KAZN: variants seen among roughly 807,000 people sequenced by gnomAD.
KAZN encodes kazrin.
Under a neutral mutation model 87.4 loss-of-function variants are expected in KAZN, and 40 were observed. The ratio of observed to expected loss-of-function variants is 0.46; its 90% CI spans 0.36 to 0.60. The LOEUF is 0.60. KAZN is among the 20% of genes least tolerant of loss of function. The pLI is 0.00. For synonymous variants in KAZN, 466 were observed against 458.3 expected (o/e 1.02, Z -0.22); for missense variants, 898 against 1,073.9 (o/e 0.84, Z 2.29).
intron 1 of KAZN, among the ~76,000 whole-genome samples, chr1:14,149,148 C>G (rs1470323991): frequency 6.9e-6 from 1 of 145,318 alleles, no homozygotes; most frequent in Non-Finnish European, 1.5e-5. Context: ...GTTGCCCAGG[C>G]TGGAGTGCAG....
At position 14,414,855 on chromosome 1, in the gene KAZN, T is replaced by C. The variant is rs1327725516; in HGVS notation, c.250-184128T>C. ...GCCTAACCAATATGGTGAAACCCCGTCTCTACTAAAAAATACAAAAGTTAG... is the reference window on the plus strand; with the variant it reads ...GCCTAACCAATATGGTGAAACCCCGCCTCTACTAAAAAATACAAAAGTTAG... On this transcript the variant is annotated intron_variant, in intron 2 of 16. Transcript: ENST00000636203. 3.3e-5 allele frequency among the ~76,000 whole-genome samples: 5 copies of C among 152,130 alleles called. No individual in the cohort carries two copies. In the South Asian group the frequency reaches 1.0e-3, roughly 32 times the overall value.
Position 14,366,165 on chromosome 1 carries a change from G to C in KAZN, c.249+185573G>C, listed in dbSNP as rs192309227. On this transcript the variant is annotated intron_variant, in intron 2 of 16. Transcript: ENST00000636203. The stretch of plus-strand genomic sequence containing the variant: ...AAAGATCTAAACATAATCCTTTACA[G>C]TGGAAAGTTAGCAGAGAAGATATTC... Among the ~76,000 whole-genome samples the C allele has an allele frequency of 2.9e-3, 448 of 152,316 alleles. 3 individuals carry two copies. The highest frequency in any genetic ancestry group is 0.01 in the African/African-American group (428 of 41,566).
intron 14 of KAZN, 46 bp downstream of exon 14, chr1:15,112,587 A>AAGGTCTTTTTTTTCTTCTCCCAGCGGG: frequency 7.7e-7 from 1 of 1,293,608 alleles, no homozygotes. Context: ...AGACCCGGGA[A>AAGGTCTTTTTTTTCTTCTCCCAGCGGG]AGGTCTTTTT....
At chr1:14,054,928 C>T (rs769207400) in intron 1 of KAZN, among the ~76,000 whole-genome samples, 12 of 152,284 alleles carry the variant, frequency 7.9e-5, no homozygotes, top group South Asian at 2.1e-4. Context: ...GCAGATGTCT[C>T]GACCTCAGCT....
intron 1 of KAZN, among the ~76,000 whole-genome samples, chr1:13,977,497 T>C (rs146388512): frequency 3.3e-5 from 5 of 152,024 alleles, no homozygotes; most frequent in African/African-American, 1.2e-4. Flanking sequence ...TGTCAAAGAG[T>C]GGGGGAAATA....
chr1:14,005,858 G>A (rs895047281), intron 1 of KAZN, among the ~76,000 whole-genome samples: 3 of 152,158 alleles, frequency 2.0e-5, no homozygotes, highest in East Asian at 3.9e-4. Flanking sequence ...GGACTCACTG[G>A]CCTGTAGTGT....
At chr1:14,288,465 T>C (rs1653429638) in intron 2 of KAZN, among the ~76,000 whole-genome samples, 1 of 152,246 alleles carries the variant, frequency 6.6e-6, no homozygotes, top group Admixed American at 6.5e-5. Context: ...TTTATTTGCC[T>C]AGAGGTGTTT....
chr1:14,459,154 A>C (rs943348584), intron 2 of KAZN, among the ~76,000 whole-genome samples: 16 of 152,038 alleles, frequency 1.1e-4, no homozygotes, highest in African/African-American at 3.9e-4. Context: ...TCCTGTGCTC[A>C]CTAGGAGGGT....
chr1:14,074,488 G>GGA (rs1643369583), intron 1 of KAZN, among the ~76,000 whole-genome samples: 1 of 152,220 alleles, frequency 6.6e-6, no homozygotes, highest in Non-Finnish European at 1.5e-5. Context: ...CTGGGGAAAA[G>GGA]CCTGTCGCAG....
intron 1 of KAZN, among the ~76,000 whole-genome samples, chr1:14,134,991 A>C (rs1439943729): frequency 1.1e-5 from 1 of 87,548 alleles, no homozygotes; most frequent in Non-Finnish European, 2.1e-5. Flanking sequence ...ACACACACAC[A>C]CACACACACA....
chr1:14,555,092 G>A (rs565262294), intron 2 of KAZN, among the ~76,000 whole-genome samples: 1 of 152,202 alleles, frequency 6.6e-6, no homozygotes, highest in African/African-American at 2.4e-5. Context: ...CCTATCTGCT[G>A]TCATAATTGG....
intron 2 of KAZN, among the ~76,000 whole-genome samples, chr1:14,453,861 G>T (rs996683094): frequency 6.6e-6 from 1 of 152,038 alleles, no homozygotes; most frequent in African/African-American, 2.4e-5. Context: ...TAGTCAATCT[G>T]CCATAAGCCC....
chr1:15,039,429 G>T (rs1672679327), intron 3 of KAZN, among the ~76,000 whole-genome samples: 1 of 152,108 alleles, frequency 6.6e-6, no homozygotes, highest in South Asian at 2.1e-4. Flanking sequence ...GAAGGAATGA[G>T]TCCCACTGTT....
At chr1:14,759,275 G>T (rs113148888) in intron 1 of KAZN, among the ~76,000 whole-genome samples, 4,572 of 152,238 alleles carry the variant, frequency 0.03, 246 homozygotes, top group African/African-American at 0.1. Context: ...CACCGTGAGA[G>T]CATCGCACCG....
At position 14,624,113 on chromosome 1, in the gene KAZN, A is replaced by G. The variant is rs150560686; in HGVS notation, c.226+24890A>G. On this transcript the variant is annotated intron_variant, in intron 1 of 14. Transcript: ENST00000376030. ...TACTGATTTTAGTCCTACTTGTCCT[A>G]TCAGTTATTTAGAGAATATTAAAAC... Among the ~76,000 whole-genome samples, 425 of 152,348 alleles carry G rather than the reference A, an allele frequency of 2.8e-3. 1 individual carries two copies. The highest frequency in any genetic ancestry group is 4.6e-3 in the Non-Finnish European group (312 of 68,038).
rs117110801 is a variant in KAZN, at chr1:14,658,079, G to C, written c.226+58856G>C. ...TCCTTAGGCAAAGCAATTGCACCTGGAGTCTTGTAGCGACCTGTGTGCAGT... is the reference window on the plus strand; with the variant it reads ...TCCTTAGGCAAAGCAATTGCACCTGCAGTCTTGTAGCGACCTGTGTGCAGT... On this transcript the variant is annotated intron_variant, in intron 1 of 14. Transcript: ENST00000376030. 8.1e-4 allele frequency among the ~76,000 whole-genome samples: 123 copies of C among 152,290 alleles called. 3 individuals carry two copies. The East Asian group carries it at 0.022, about 28-fold the overall frequency.
intron 2 of KAZN, among the ~76,000 whole-genome samples, chr1:14,470,180 A>G (rs1668378147): frequency 6.6e-6 from 1 of 152,244 alleles, no homozygotes. Flanking sequence ...GTTGAGACAG[A>G]TAGCCCAGCT....
intron 1 of KAZN, among the ~76,000 whole-genome samples, chr1:14,881,621 C>T (rs1038818031): frequency 2.0e-5 from 3 of 152,154 alleles, no homozygotes; most frequent in African/African-American, 7.2e-5. Context: ...CCTCTAGGAA[C>T]TTACAGTCTC....
At chr1:14,591,171 GC>G (rs75552123) in intron 2 of KAZN, among the ~76,000 whole-genome samples, 25,312 of 147,418 alleles carry the variant, frequency 0.17, 2,321 homozygotes, top group East Asian at 0.28. Flanking sequence ...ATCAAATAGT[GC>G]CCCCCCCCCA....
Sources: allele counts gnomAD v4.1 joint callset (sites outside exome capture counted in the v4.1 genomes callset), GRCh38; gene constraint gnomAD v4.1.1; transcripts MANE v1.5; gene names NCBI Gene and HGNC (gene_info 2026-07-23, HGNC 2026-07-21).